Variants in TRIP4 observed in about 807,000 individuals in gnomAD.
The protein encoded by TRIP4 is activating signal cointegrator 1.
TRIP4 carries 54 observed loss-of-function variants against 81.8 expected under a neutral mutation model. The observed-to-expected ratio is 0.66, with a 90% CI of 0.53 to 0.83. The LOEUF (loss-of-function observed/expected upper bound fraction) is 0.83. Among genes scored for constraint, TRIP4 ranks in the 40% least tolerant of loss-of-function variants. The probability of loss-of-function intolerance (pLI) is 0.00; values close to 1 mark genes in which losing one functional copy is unlikely to be tolerated. For synonymous variants in TRIP4, 270 were observed against 242.8 expected (o/e 1.11, Z -1.04); for missense variants, 662 against 683.6 (o/e 0.97, Z 0.35).
intron 12 of TRIP4, among the ~76,000 whole-genome samples, chr15:64,450,416 A>G (rs1892731955): frequency 6.8e-6 from 1 of 147,908 alleles, no homozygotes; most frequent in African/African-American, 2.5e-5. Flanking sequence ...AAAAAAAAAG[A>G]AAGAAAGGAA....
chr15:64,401,464 G>T (rs1277596257), intron 5 of TRIP4, among the ~76,000 whole-genome samples: 4 of 152,150 alleles, frequency 2.6e-5, no homozygotes, highest in African/African-American at 9.6e-5. Flanking sequence ...TAGGGGTGGG[G>T]TTTTGCCATG....
At chr15:64,432,938 TA>T (rs1383894695) in intron 11 of TRIP4, among the ~76,000 whole-genome samples, 4 of 151,472 alleles carry the variant, frequency 2.6e-5, no homozygotes, top group African/African-American at 9.7e-5. Flanking sequence ...AATAAATAAA[TA>T]AATAAATAAA....
intron 11 of TRIP4, among the ~76,000 whole-genome samples, chr15:64,426,396 A>T (rs1248991409): frequency 6.6e-6 from 1 of 152,084 alleles, no homozygotes; most frequent in Non-Finnish European, 1.5e-5. Context: ...TTTAATTTTT[A>T]TCACTAAAGA....
At chr15:64,424,772 A>C (rs1404305236) in intron 10 of TRIP4, among the ~76,000 whole-genome samples, 2 of 152,060 alleles carry the variant, frequency 1.3e-5, no homozygotes, top group African/African-American at 4.8e-5. Flanking sequence ...CCTTAAAAGC[A>C]CTTTTCTTTT....
At position 64,400,715 on chromosome 15, in the gene TRIP4, C is replaced by T. The variant is rs1891475794; in HGVS notation, c.619-28C>T. The T allele has an allele frequency of 1.9e-6, 3 of 1,567,190 alleles. No homozygotes were observed. In the South Asian group the frequency reaches 3.3e-5, roughly 17 times the overall value. On this transcript the variant is annotated intron_variant, in intron 4 of 12. Coordinates refer to ENST00000261884, the MANE Select transcript of TRIP4 (RefSeq NM_016213.5). ...AAGCAATATAATTTAACTGTTGGAT[C>T]ACATGTCTTACTCTTACTATTTTAC... is the stretch of plus-strand genomic sequence containing the variant.
At chr15:64,425,804 C>G (rs984036918) in intron 11 of TRIP4, among the ~76,000 whole-genome samples, 173 bp downstream of exon 11, 3 of 152,132 alleles carry the variant, frequency 2.0e-5, no homozygotes, top group Non-Finnish European at 4.4e-5. Context: ...GTTTCCAGGC[C>G]GGGCGCTGGT....
intron 12 of TRIP4, among the ~76,000 whole-genome samples, chr15:64,447,052 C>T (rs1299430143): frequency 6.6e-6 from 1 of 152,056 alleles, no homozygotes; most frequent in Non-Finnish European, 1.5e-5. Flanking sequence ...TACAGTGAGT[C>T]GAGATTGCAC....
chr15:64,417,243 C>T (rs1221409409), intron 8 of TRIP4, among the ~76,000 whole-genome samples: 3 of 152,112 alleles, frequency 2.0e-5, no homozygotes, highest in Non-Finnish European at 2.9e-5. Context: ...AACTTCTGGG[C>T]TCAAGCGATC....
At chr15:64,447,798 AC>A (rs1343834113) in intron 12 of TRIP4, among the ~76,000 whole-genome samples, 5 of 152,000 alleles carry the variant, frequency 3.3e-5, no homozygotes, top group Admixed American at 2.6e-4. Flanking sequence ...TGCAGCCTCC[AC>A]CTCCTGGGAT....
intron 12 of TRIP4, among the ~76,000 whole-genome samples, chr15:64,453,654 A>G (rs535614963): frequency 1.3e-5 from 2 of 152,348 alleles, no homozygotes; most frequent in East Asian, 3.9e-4. Flanking sequence ...TATTCAGGGT[A>G]TCACTTAGTG....
At chr15:64,426,603 G>A (rs1037972868) in intron 11 of TRIP4, among the ~76,000 whole-genome samples, 1 of 151,504 alleles carries the variant, frequency 6.6e-6, no homozygotes, top group Non-Finnish European at 1.5e-5. Flanking sequence ...AGGAGGCTGA[G>A]GCAGGAGAAT....
At chr15:64,403,955 G>T (rs1454670916) in intron 5 of TRIP4, among the ~76,000 whole-genome samples, 1 of 151,984 alleles carries the variant, frequency 6.6e-6, no homozygotes, top group Non-Finnish European at 1.5e-5. Flanking sequence ...ACTTTGAGAG[G>T]CCGAGACGGG....
At chr15:64,419,558 CCT>C (rs1482975110) in intron 9 of TRIP4, among the ~76,000 whole-genome samples, 8 of 151,586 alleles carry the variant, frequency 5.3e-5, no homozygotes, top group African/African-American at 1.9e-4. Flanking sequence ...CGGGGTTTCA[CCT>C]TGTTAGCCAG....
chr15:64,406,166 T>A (rs751462427), intron 5 of TRIP4, among the ~76,000 whole-genome samples, 164 bp from the exon 6 acceptor site: 1 of 152,242 alleles, frequency 6.6e-6, no homozygotes, highest in Non-Finnish European at 1.5e-5. Flanking sequence ...TGCTTACTGC[T>A]GTACAGGTAA....
intron 3 of TRIP4, among the ~76,000 whole-genome samples, chr15:64,396,199 G>A (rs1900287775): frequency 6.6e-6 from 1 of 150,886 alleles, no homozygotes; most frequent in Non-Finnish European, 1.5e-5. Flanking sequence ...GTGAGCCACC[G>A]CGCCCAGCCC....
At chr15:64,401,372 T>C (rs1025808789) in intron 5 of TRIP4, among the ~76,000 whole-genome samples, 1 of 152,118 alleles carries the variant, frequency 6.6e-6, no homozygotes, top group African/African-American at 2.4e-5. Flanking sequence ...CCTGACCTCA[T>C]GATCTGCCCA....
At chr15:64,444,461 C>T (rs780601900) in intron 11 of TRIP4, among the ~76,000 whole-genome samples, 4 of 152,224 alleles carry the variant, frequency 2.6e-5, no homozygotes, top group Non-Finnish European at 4.4e-5. Context: ...GTTACCTTTT[C>T]ACCCGAAGTA....
At chr15:64,450,107 G>A (rs1209749319) in intron 12 of TRIP4, among the ~76,000 whole-genome samples, 2 of 152,210 alleles carry the variant, frequency 1.3e-5, no homozygotes, top group Non-Finnish European at 2.9e-5. Flanking sequence ...TAGAAGCCCA[G>A]GGTGGGCTGG....
intron 11 of TRIP4, among the ~76,000 whole-genome samples, chr15:64,432,818 G>T (rs915179878): frequency 4.6e-5 from 7 of 151,890 alleles, no homozygotes; most frequent in Non-Finnish European, 8.8e-5. Context: ...GGCTGAGGCA[G>T]GAGAATCTCT....
Sources: gnomAD v4.1 joint callset for allele counts (sites outside exome capture counted in the v4.1 genomes callset) on GRCh38, gnomAD v4.1.1 for gene constraint, MANE v1.5 for transcripts, NCBI Gene and HGNC (gene_info 2026-07-23, HGNC 2026-07-21) for gene names.